The following WHAMM variants were observed in gnomAD, a reference collection of about 807,000 sequenced individuals.
WHAMM encodes WASP homolog associated with actin, golgi membranes and microtubules, also known as WASP homolog-associated protein with actin, membranes and microtubules.
WHAMM carries 67 observed loss-of-function variants against 76.5 expected under a neutral mutation model. The observed-to-expected ratio is 0.88, with a 90% CI of 0.72 to 1.07. WHAMM has a LOEUF of 1.07. WHAMM is among the 50% of genes least tolerant of loss of function. The pLI, the probability that WHAMM is intolerant of heterozygous loss-of-function variation, is 0.00. For synonymous variants in WHAMM, 419 were observed against 422.1 expected (o/e 0.99, Z 0.09); for missense variants, 1,021 against 1,051.1 (o/e 0.97, Z 0.40).
At chr15:82,818,447 C>T (rs183731640) in intron 4 of WHAMM, among the ~76,000 whole-genome samples, 2 of 152,282 alleles carry the variant, frequency 1.3e-5, no homozygotes, top group East Asian at 3.9e-4. Context: ...TCGCTTATTC[C>T]AACACCATCT....
intron 4 of WHAMM, 99 bp downstream of exon 4, chr15:82,818,188 G>A (rs2050759704): frequency 2.3e-6 from 3 of 1,317,212 alleles, no homozygotes; most frequent in African/African-American, 3.0e-5. Flanking sequence ...TTGTTCCATG[G>A]ATATATTGTG....
intron 8 of WHAMM, among the ~76,000 whole-genome samples, chr15:82,829,375 G>A (rs1309568014): frequency 1.3e-5 from 2 of 152,220 alleles, no homozygotes; most frequent in Admixed American, 1.3e-4. Flanking sequence ...ATGCCACAGA[G>A]GGCATCCTTG....
chr15:82,830,624 A>C lies in WHAMM; in HGVS notation c.1667A>C (p.Asn556Thr). ...KDKRLAQSVR[N>T]TSGSEPVAPN... ...AAACGCCTAGCTCAATCTGTCCGAAACACCTCTGGCTCAGAACCTGTGGCT... is the reference window on the plus strand; with the variant it reads ...AAACGCCTAGCTCAATCTGTCCGAACCACCTCTGGCTCAGAACCTGTGGCT... The change falls in exon 9 of 10, where the codon AAC (asparagine) becomes ACC (threonine). Residue 556 changes from asparagine (N) to threonine (T), a missense_variant. This residue lies in a region of WHAMM where 509 missense variants were observed against 492.3 expected (regional missense o/e 1.03). Transcript: ENST00000286760. 6.2e-7 allele frequency: 1 copy of C among 1,613,552 alleles called. No homozygotes were observed. Among genetic ancestry groups the C allele is most frequent in the Non-Finnish European group, 8.5e-7 (1 of 1,179,722 alleles).
intron 1 of WHAMM, chr15:82,810,758 T>C (rs2050615062): frequency 1.0e-6 from 1 of 985,138 alleles, no homozygotes. Flanking sequence ...GATAAAATGG[T>C]TTAGAGGAAG....
chr15:82,816,696 C>G lies in WHAMM; in HGVS notation c.788C>G (p.Ser263Cys), dbSNP rs2050732649. The change falls in exon 3 of 10, where the codon TCT becomes TGT. Residue 263 changes from serine (S) to cysteine (C), a missense_variant. Around this residue, in one of 3 missense-constraint regions of WHAMM, gnomAD observed 501 missense variants for 524.9 expected, o/e 0.95. Transcript: ENST00000286760. The part of the protein sequence containing the change: ...ATLCKLDILK[S>C]LDEDDLGPRR... ...AATTTTCCCTTCTGTCTGTAGAAGTCTTTGGATGAGGATGACCTAGGTCCT... is the reference window on the plus strand; with the variant it reads ...AATTTTCCCTTCTGTCTGTAGAAGTGTTTGGATGAGGATGACCTAGGTCCT... 4.5e-6 allele frequency: 7 copies of G among 1,551,120 alleles called. No individual in the cohort carries two copies. The highest frequency in any genetic ancestry group is 6.1e-6 in the Non-Finnish European group (7 of 1,147,358).
chr15:82,835,074 C>T lies in WHAMM; in HGVS notation c.*1538C>T, dbSNP rs1290339626. On this transcript the variant is annotated 3_prime_UTR_variant, in exon 10 of 10. Transcript: ENST00000286760. ...TCCACAGAACAAAAGGAACGCACCTCGTTTACAAAGAAAGTCCTGATTGAT... is the reference window on the plus strand; with the variant it reads ...TCCACAGAACAAAAGGAACGCACCTTGTTTACAAAGAAAGTCCTGATTGAT... The T allele has an allele frequency of 3.9e-5, 6 of 152,054 alleles. No individual in the cohort carries two copies. The allele number at this position is 152,054 out of a possible 1,614,324, so 9.4% of individuals were successfully genotyped here. A position where few individuals can be genotyped will look rare whatever the true frequency, so the allele number is the denominator to read the frequency against.
At chr15:82,817,842 TA>T (rs987809247) in intron 3 of WHAMM, 77 bp from the exon 4 acceptor site, 127 of 1,257,600 alleles carry the variant, frequency 1.0e-4, no homozygotes, top group Non-Finnish European at 1.2e-4. Flanking sequence ...ATGGAGGCAA[TA>T]AAAAAAGGAT....
chr15:82,827,447 A>T (rs1293373003), intron 8 of WHAMM, among the ~76,000 whole-genome samples: 1 of 152,050 alleles, frequency 6.6e-6, no homozygotes, highest in African/African-American at 2.4e-5. Flanking sequence ...ATTAGAGATA[A>T]ATTCCTTTAA....
intron 2 of WHAMM, among the ~76,000 whole-genome samples, chr15:82,814,777 T>TG (rs898566267): frequency 7.3e-6 from 1 of 136,058 alleles, no homozygotes; most frequent in African/African-American, 2.8e-5. Context: ...TTTTTTTTTT[T>TG]TTTTTTTTTT....
chr15:82,812,958 T>G (rs1566990876), intron 1 of WHAMM, 145 bp from the exon 2 acceptor site: 9 of 597,226 alleles, frequency 1.5e-5, no homozygotes, highest in East Asian at 3.2e-5. Context: ...TGATGGAGGA[T>G]GATAACATTT....
chr15:82,822,810 A>ATGTG (rs71451663), intron 5 of WHAMM, among the ~76,000 whole-genome samples: 2,357 of 150,678 alleles, frequency 0.016, 48 homozygotes, highest in African/African-American at 0.049. Context: ...TGTAAGTAGT[A>ATGTG]TGTGTGTGTG....
In WHAMM at chr15:82,833,471, A is replaced by G. The variant is rs1272726610; in HGVS notation, c.2365A>G (p.Lys789Glu). 6.2e-7 allele frequency: 1 copy of G among 1,614,032 alleles called. No homozygotes were observed. Among genetic ancestry groups the G allele is most frequent in the Non-Finnish European group, 8.5e-7 (1 of 1,179,898 alleles). Residue 789 changes from lysine to glutamate, a missense_variant, in exon 10 of 10, where the codon AAG (lysine) becomes GAG (glutamate). Coordinates refer to ENST00000286760, the MANE Select transcript of WHAMM (RefSeq NM_001080435.3). ...CATCAAGGCTGCGCTCCAGAGAATCAAGAGGGTGTCTGCTGACTCTGAGGA... is the reference window on the plus strand; with the variant it reads ...CATCAAGGCTGCGCTCCAGAGAATCGAGAGGGTGTCTGCTGACTCTGAGGA... The part of the protein sequence containing the change: ...RSIKAALQRI[K>E]RVSADSEEDS...
At chr15:82,823,838 T>G (rs1163452906) in intron 6 of WHAMM, among the ~76,000 whole-genome samples, 2 of 152,190 alleles carry the variant, frequency 1.3e-5, no homozygotes, top group African/African-American at 4.8e-5. Flanking sequence ...AGTGCTGGGA[T>G]TACAGGTGTG....
intron 6 of WHAMM, among the ~76,000 whole-genome samples, chr15:82,823,760 T>C (rs1255375726): frequency 6.6e-6 from 1 of 152,128 alleles, no homozygotes; most frequent in East Asian, 1.9e-4. Context: ...GAGGTGGGGT[T>C]TCACCATGTT....
At chr15:82,819,258 TC>T in intron 4 of WHAMM, 64 bp from the exon 5 acceptor site, 1 of 639,362 alleles carries the variant, frequency 1.6e-6, no homozygotes, top group East Asian at 4.1e-5. Flanking sequence ...CTAGAATGCT[TC>T]TAAAGTTTGT....
intron 9 of WHAMM, among the ~76,000 whole-genome samples, chr15:82,832,058 T>C (rs1407855943): frequency 1.3e-5 from 2 of 152,192 alleles, no homozygotes; most frequent in Non-Finnish European, 2.9e-5. Flanking sequence ...TTGCAACAAC[T>C]GCCCTGTGAA....
In WHAMM at chr15:82,813,228, A is replaced by AT. The variant is rs754148573; in HGVS notation, c.738dup (p.Arg247Ter). 3.7e-6 allele frequency: 6 copies of AT among 1,601,128 alleles called. No homozygotes were observed. Among genetic ancestry groups the AT allele is most frequent in the Non-Finnish European group, 3.4e-6 (4 of 1,175,836 alleles). On this transcript the variant is annotated frameshift_variant, in exon 2 of 10. Coordinates refer to ENST00000286760, the MANE Select transcript of WHAMM (RefSeq NM_001080435.3). LOFTEE classifies it high-confidence loss of function. ...TGTTCTTCCAGTACTTATTGCAGCC[A>AT]TTTAGGGCTATGCGAGAAGTTGCAA...
At chr15:82,822,428 T>C (rs1300401010) in intron 5 of WHAMM, among the ~76,000 whole-genome samples, 1 of 152,176 alleles carries the variant, frequency 6.6e-6, no homozygotes, top group Non-Finnish European at 1.5e-5. Flanking sequence ...CATTAAAATT[T>C]ATCTTTTTAA....
At position 82,830,892 on chromosome 15, in the gene WHAMM, ACCACCACCACCG is replaced by A; in HGVS notation, c.1938_1949del (p.Pro655_Pro658del). ...CACTGCCACCACCTCCTCCTCCTCC[ACCACCACCACCG>A]CCGCCACCGCCGCCCCCACCCCCTC... On this transcript the variant is annotated inframe_deletion, in exon 9 of 10. Transcript: ENST00000286760. The A allele has an allele frequency of 6.4e-7, 1 of 1,556,374 alleles. No individual in the cohort carries two copies. Among genetic ancestry groups the A allele is most frequent in the Non-Finnish European group, 8.7e-7 (1 of 1,147,890 alleles).
Sources: gnomAD v4.1 joint callset for allele counts (sites outside exome capture counted in the v4.1 genomes callset) on GRCh38, gnomAD v4.1.1 for gene constraint, gnomAD v4.1.1 regional missense constraint, MANE v1.5 for transcripts, NCBI Gene and HGNC (gene_info 2026-07-23, HGNC 2026-07-21) for gene names.